MUC4: variants seen among roughly 807,000 people sequenced by gnomAD.
The protein encoded by MUC4 is mucin 4, cell surface associated.
A neutral mutation model predicts 257.9 loss-of-function variants in MUC4; 202 were observed. That is an observed-to-expected ratio of 0.78 (90% CI 0.70 to 0.88). MUC4 has a LOEUF of 0.88. Among genes scored for constraint, MUC4 ranks in the 40% least tolerant of loss-of-function variants. MUC4 has a pLI of 0.00. For missense variants in MUC4, 5,976 were observed against 6,513.7 expected (o/e 0.92, Z 2.84); for synonymous variants, 2,351 against 2,757.1 (o/e 0.85, Z 4.62).
intron 11 of MUC4, 112 bp downstream of exon 11, chr3:195,763,933 T>C (rs9857656): frequency 0.041 from 58,307 of 1,422,806 alleles, 1,430 homozygotes; most frequent in Middle Eastern, 0.05. Flanking sequence ...CATCTCCATC[T>C]TCCCTTGTGG....
rs547964175 is a variant in MUC4, at chr3:195,769,381, CTT to C, written c.13399-231_13399-230del. On this transcript the variant is annotated intron_variant, in intron 6 of 24. Transcript: ENST00000463781. ...CCACGGTGGATTTGCCTTTTGGTGA[CTT>C]TCTTCCAGGAGGGGAGATAAAGGGT... 4,401 of 544,478 alleles carry C rather than the reference CTT, an allele frequency of 8.1e-3. 32 individuals are homozygous for C. The highest frequency in any genetic ancestry group is 0.012 in the Non-Finnish European group (3,671 of 312,730). 33.7% of individuals were successfully genotyped at this position (544,478 alleles called of 1,614,324 possible).
rs1271191354 is a variant in MUC4, at chr3:195,778,400, T to G, written c.12846A>C (p.Pro4282=). The G allele has an allele frequency of 5.0e-6, 8 of 1,611,830 alleles. No individual in the cohort carries two copies. In the East Asian group the frequency reaches 1.6e-4, roughly 31 times the overall value. Residue 4282 remains proline, a synonymous_variant, in exon 3 of 25, where the codon CCA becomes CCC. Coordinates refer to ENST00000463781, the MANE Select transcript of MUC4 (RefSeq NM_018406.7). The stretch of plus-strand genomic sequence containing the variant: ...TGATGGTCTGGGAGGTTGTGGGGGG[T>G]GGTGATGTGGCTGTGCGTCTCCCAC... The part of the protein sequence containing the change: ...TDGGRRTATS[P]PPTTSQTIIS...
rs1250656168 is a variant in MUC4 at position 195,771,705 on chromosome 3, G to A, written c.13189C>T (p.Pro4397Ser). 6.2e-7 allele frequency: 1 copy of A among 1,613,848 alleles called. No homozygotes were observed. The highest frequency in any genetic ancestry group is 2.2e-5 in the East Asian group (1 of 44,890). ...TGRDPVALVAPFWDDADFSTG... is the reference protein window; with the variant it reads ...TGRDPVALVASFWDDADFSTG... Reference sequence around the variant, plus strand: ...GAGAAGTCAGCATCGTCCCAGAACGGAGCCACCAGGGCCACAGGGTCCCGG... The same window carrying A: ...GAGAAGTCAGCATCGTCCCAGAACGAAGCCACCAGGGCCACAGGGTCCCGG... The change falls in exon 5 of 25, where the codon CCG (proline) becomes TCG (serine). Residue 4397 changes from proline to serine, a missense_variant. Physicochemically the swap from Pro to Ser is moderately conservative, Grantham distance 74. Around this residue, in one of 44 missense-constraint regions of MUC4, gnomAD observed 996 missense variants for 1,137.3 expected, o/e 0.88. Coordinates refer to ENST00000463781, the MANE Select transcript of MUC4 (RefSeq NM_018406.7).
At chr3:195,803,857 T>C (rs1161205857) in intron 1 of MUC4, among the ~76,000 whole-genome samples, 1 of 152,024 alleles carries the variant, frequency 6.6e-6, no homozygotes, top group African/African-American at 2.4e-5. Context: ...GTCACTGACC[T>C]GCCCCAAGTT....
rs1312145823 is a variant in MUC4, at chr3:195,783,955, G to T, written c.7625C>A (p.Ala2542Asp). 7.9e-6 allele frequency: 12 copies of T among 1,523,062 alleles called. No individual in the cohort carries two copies. Among genetic ancestry groups the T allele is most frequent in the Non-Finnish European group, 1.1e-5 (12 of 1,133,142 alleles). 94.3% of individuals were successfully genotyped at this position (1,523,062 alleles called of 1,614,324 possible). A position where few individuals can be genotyped will look rare whatever the true frequency, so the allele number is the denominator to read the frequency against. The change falls in exon 2 of 25, where the codon GCC (alanine) becomes GAC (aspartate). Residue 2542 changes from alanine (A) to aspartate (D), a missense_variant. By Grantham distance (126) the Ala-to-Asp change is moderately radical (BLOSUM62 -2). Transcript: ENST00000463781. The part of the protein sequence containing the change: ...TNASSLSTRH[A>D]TSLHVTSPSS... The stretch of plus-strand genomic sequence containing the variant: ...AGGGCTGGTGACATGAAGAGAGGTG[G>T]CGTGACGTGTGGATAATGAGGAAGC...
chr3:195,756,183 T>C (rs1485861058), intron 18 of MUC4, among the ~76,000 whole-genome samples: 1 of 152,144 alleles, frequency 6.6e-6, no homozygotes, highest in Non-Finnish European at 1.5e-5. Context: ...GAGAAATGAC[T>C]GTGGGGTGCT....
At chr3:195,751,668 C>A (rs187926706) in intron 21 of MUC4, 2 of 322,090 alleles carry the variant, frequency 6.2e-6, no homozygotes, top group East Asian at 6.5e-5. Context: ...GGAGTCTAAA[C>A]TCAAAGAGTG....
At chr3:195,764,886 G>T in intron 10 of MUC4, 111 bp downstream of exon 10, 2 of 1,452,728 alleles carry the variant, frequency 1.4e-6, no homozygotes, top group Non-Finnish European at 1.9e-6. Context: ...CGATCAGGAA[G>T]TGGAGGCCCA....
At chr3:195,767,739 TCACCATC>T (rs1721498366) in intron 7 of MUC4, among the ~76,000 whole-genome samples, 2 of 3,146 alleles carry the variant, frequency 6.4e-4, no homozygotes, top group African/African-American at 1.0e-3. Context: ...ACCACCACCA[TCACCATC>T]GCCACCACCA....
chr3:195,802,245 CCT>C (rs1735416925), intron 1 of MUC4, among the ~76,000 whole-genome samples: 1 of 152,198 alleles, frequency 6.6e-6, no homozygotes, highest in East Asian at 1.9e-4. Flanking sequence ...TTCCTTGTCC[CCT>C]GTGTCCTAGT....
chr3:195,783,824 A>T lies in MUC4; in HGVS notation c.7756T>A (p.Ser2586Thr), dbSNP rs1428983002. The change falls in exon 2 of 25, where the codon TCC becomes ACC. Residue 2586 changes from serine to threonine, a missense_variant. Physicochemically the swap from Ser to Thr is moderately conservative, Grantham distance 58. Transcript: ENST00000463781. ...GGAAGAGGGGTGGTGTCACCTGTGG[A>T]TGCTGAGGAAGTGCTGGTGACAGGA... Reference protein sequence around the residue: ...PLPVTSTSSASTGDTTPLPVT... With the variant: ...PLPVTSTSSATTGDTTPLPVT... The T allele has an allele frequency of 6.8e-7, 1 of 1,477,662 alleles. No homozygotes were observed. The allele number at this position is 1,477,662 out of a possible 1,614,324, so 91.5% of individuals were successfully genotyped here. A position where few individuals can be genotyped will look rare whatever the true frequency, so the allele number is the denominator to read the frequency against.
At position 195,788,629 on chromosome 3, in the gene MUC4, G is replaced by C. The variant is rs374537854; in HGVS notation, c.2951C>G (p.Ser984Trp). 9 of 1,603,000 alleles carry C rather than the reference G, an allele frequency of 5.6e-6. No individual in the cohort carries two copies. The South Asian group carries it at 8.9e-5, about 16-fold the overall frequency. Residue 984 changes from serine (S) to tryptophan (W), a missense_variant, in exon 2 of 25, where the codon TCG becomes TGG. Coordinates refer to ENST00000463781, the MANE Select transcript of MUC4 (RefSeq NM_018406.7). ...AGGGGTGGTGTGACCTGTGGATGCCGAGGAAGCGTAGGTGACAGGAAGAGG... is the reference window on the plus strand; with the variant it reads ...AGGGGTGGTGTGACCTGTGGATGCCCAGGAAGCGTAGGTGACAGGAAGAGG... ...ATPLPVTYAS[S>W]ASTGHTTPLH... is the part of the protein sequence containing the mutation.
At chr3:195,764,381 T>C (rs1248362140) in intron 10 of MUC4, among the ~76,000 whole-genome samples, 1 of 152,100 alleles carries the variant, frequency 6.6e-6, no homozygotes, top group Non-Finnish European at 1.5e-5. Context: ...GGCTTTGGAA[T>C]CCAGCATGGC....
chr3:195,763,559 G>C lies in MUC4; in HGVS notation c.14127C>G (p.Val4709=), dbSNP rs148201382. ...AGGAGGAGTTCCCGTCTTGGGCCCC[G>C]ACCAGCAGGAAGTCCCCCAGCCCAT... ...TFNGLGDFLL[V]GAQDGNSSFL... The change falls in exon 12 of 25, where the codon GTC becomes GTG. Residue 4709 remains valine (V), a synonymous_variant. Coordinates refer to ENST00000463781, the MANE Select transcript of MUC4 (RefSeq NM_018406.7). 4 of 1,591,952 alleles carry C rather than the reference G, an allele frequency of 2.5e-6. No individual in the cohort carries two copies. Among genetic ancestry groups the C allele is most frequent in the African/African-American group, 1.3e-5 (1 of 74,370 alleles).
intron 19 of MUC4, chr3:195,753,790 T>C: frequency 5.0e-6 from 1 of 198,734 alleles, no homozygotes; most frequent in Non-Finnish European, 1.0e-5. Flanking sequence ...ACGTCCTGAC[T>C]CGTGAGATGC....
rs1560264186 is a variant in MUC4, at chr3:195,767,730, C to CCAT, written c.13530-980_13530-979insATG. Reference sequence around the variant, plus strand: ...CCACCATCGGCCACCACCACCATCACCACCACCATCACCATCGCCACCACC... The same window carrying CCAT: ...CCACCATCGGCCACCACCACCATCACCATCACCACCATCACCATCGCCACCACC... On this transcript the variant is annotated intron_variant, in intron 7 of 24. Coordinates refer to ENST00000463781, the MANE Select transcript of MUC4 (RefSeq NM_018406.7). 2.1e-3 allele frequency among the ~76,000 whole-genome samples: 15 copies of CCAT among 7,176 alleles called. 4 individuals carry two copies. Among genetic ancestry groups the CCAT allele is most frequent in the Admixed American group, 8.1e-3 (5 of 620 alleles). The allele number at this position is 7,176 out of a possible 152,430, so 4.7% of individuals were successfully genotyped here. A position where few individuals can be genotyped will look rare whatever the true frequency, so the allele number is the denominator to read the frequency against.
At chr3:195,807,761 G>A (rs1293385407) in intron 1 of MUC4, among the ~76,000 whole-genome samples, 7 of 152,236 alleles carry the variant, frequency 4.6e-5, no homozygotes, top group African/African-American at 1.7e-4. Flanking sequence ...TGAAATCAGA[G>A]AAAAGACACA....
At chr3:195,811,145 A>ATTTATTTATT (rs1438017914) in intron 1 of MUC4, among the ~76,000 whole-genome samples, 3 of 136,752 alleles carry the variant, frequency 2.2e-5, no homozygotes, top group South Asian at 2.4e-4. Context: ...ATTTTATTTT[A>ATTTATTTATT]TATTTATTTA....
In MUC4 at chr3:195,785,846, A is replaced by G; in HGVS notation, c.5734T>C (p.Ser1912Pro). ...GAGGTGGCGTGACCTGTGGATACTG[A>G]GGAAGCGTCGGTGACATGAAGAGGG... The part of the protein sequence containing the change: ...TTPLHVTDAS[S>P]VSTGHATSLP... The change falls in exon 2 of 25, where the codon TCA (serine) becomes CCA (proline). Residue 1912 changes from serine to proline, a missense_variant. Ser to Pro is a moderately conservative substitution (Grantham distance 74). Around this residue, in one of 44 missense-constraint regions of MUC4, gnomAD observed 87 missense variants for 104.6 expected, o/e 0.83. Transcript: ENST00000463781. The G allele has an allele frequency of 6.6e-7, 1 of 1,507,118 alleles. No individual in the cohort carries two copies. The highest frequency in any genetic ancestry group is 8.9e-7 in the Non-Finnish European group (1 of 1,118,892). 93.4% of individuals were successfully genotyped at this position (1,507,118 alleles called of 1,614,324 possible).
Sources: allele counts gnomAD v4.1 joint callset (sites outside exome capture counted in the v4.1 genomes callset), GRCh38; gene constraint gnomAD v4.1.1; regional missense constraint gnomAD v4.1.1; transcripts MANE v1.5; gene names NCBI Gene and HGNC (gene_info 2026-07-23, HGNC 2026-07-21).